The following SPECC1 variants were observed in gnomAD, a reference collection of about 807,000 sequenced individuals.
SPECC1 encodes sperm antigen with calponin homology and coiled-coil domains 1.
SPECC1 carries 62 observed loss-of-function variants against 104.1 expected under a neutral mutation model. The ratio of observed to expected loss-of-function variants is 0.60; its 90% CI spans 0.49 to 0.74. The LOEUF is 0.74. Among genes scored for constraint, SPECC1 ranks in the 30% least tolerant of loss-of-function variants. The probability of loss-of-function intolerance (pLI) is 0.00; values close to 1 mark genes in which losing one functional copy is unlikely to be tolerated. For synonymous variants in SPECC1, 513 were observed against 501.6 expected, an observed-to-expected ratio of 1.02 and a Z score of -0.30; for missense variants, 1,306 against 1,310.5, an observed-to-expected ratio of 1.00 and a Z score of 0.05.
chr17:20,301,036 G>C (rs1294868223), intron 13 of SPECC1, among the ~76,000 whole-genome samples: 2 of 152,112 alleles, frequency 1.3e-5, no homozygotes, highest in Non-Finnish European at 2.9e-5. Flanking sequence ...CCCCATCCTG[G>C]CCACACTCTG....
chr17:20,161,291 C>T (rs757408487), intron 3 of SPECC1, among the ~76,000 whole-genome samples: 4 of 152,120 alleles, frequency 2.6e-5, no homozygotes, highest in Non-Finnish European at 4.4e-5. Flanking sequence ...AAATAGTGTC[C>T]TAGGCTTCGT....
intron 13 of SPECC1, among the ~76,000 whole-genome samples, chr17:20,303,331 G>T (rs2041653946): frequency 1.3e-5 from 2 of 152,162 alleles, no homozygotes; most frequent in African/African-American, 4.8e-5. Context: ...TAGTGTTAGG[G>T]TAACAAGTGT....
At chr17:20,238,510 A>C (rs1313534315) in intron 7 of SPECC1, 1 of 1,041,904 alleles carries the variant, frequency 9.6e-7, no homozygotes, top group Non-Finnish European at 1.2e-6. Flanking sequence ...TGTCTAATAA[A>C]AGGAAAATTA....
At chr17:20,028,728 T>G (rs182027415) in intron 1 of SPECC1, among the ~76,000 whole-genome samples, 310 of 152,074 alleles carry the variant, frequency 2.0e-3, no homozygotes, top group African/African-American at 7.2e-3. Context: ...TTTAGAATAA[T>G]CTTTTCAATT....
At chr17:20,132,577 G>A (rs1426911117) in intron 3 of SPECC1, among the ~76,000 whole-genome samples, 2 of 150,656 alleles carry the variant, frequency 1.3e-5, no homozygotes, top group Non-Finnish European at 3.0e-5. Flanking sequence ...GTGTGAAAGG[G>A]TGAGTTTAAA....
chr17:20,088,273 A>G (rs1028101575), intron 1 of SPECC1, among the ~76,000 whole-genome samples: 1 of 152,218 alleles, frequency 6.6e-6, no homozygotes, highest in African/African-American at 2.4e-5. Flanking sequence ...AAAGTCACAT[A>G]ACATGAAATT....
Position 20,204,818 on chromosome 17 carries a change from C to A in SPECC1, c.769C>A (p.Leu257Ile). The change falls in exon 4 of 15, where the codon CTT becomes ATT. Residue 257 changes from leucine to isoleucine, a missense_variant. Physicochemically the swap from Leu to Ile is conservative, Grantham distance 5. This residue lies in a region of SPECC1 where 1,177 missense variants were observed against 1,139.9 expected (regional missense o/e 1.03). Transcript: ENST00000395527. ...GGTCCTGAAGGAGAAACTGATCTAT[C>A]TTGAGCACTCCCCAAATTCAGAAGG... ...NRVLKEKLIY[L>I]EHSPNSEGAA... 1 of 1,614,110 alleles carries A rather than the reference C, an allele frequency of 6.2e-7. No individual in the cohort carries two copies.
intron 14 of SPECC1, among the ~76,000 whole-genome samples, chr17:20,310,515 G>A (rs775110263): frequency 3.9e-5 from 6 of 152,224 alleles, no homozygotes; most frequent in African/African-American, 9.6e-5. Flanking sequence ...CACCGTGTAA[G>A]GAGAGCATCT....
intron 14 of SPECC1, among the ~76,000 whole-genome samples, chr17:20,313,449 G>A (rs889046069): frequency 6.6e-6 from 1 of 152,226 alleles, no homozygotes; most frequent in Non-Finnish European, 1.5e-5. Context: ...CGAGGTGAGC[G>A]TACACTGGAT....
intron 9 of SPECC1, among the ~76,000 whole-genome samples, chr17:20,252,018 A>G (rs1387569579): frequency 6.6e-6 from 1 of 152,174 alleles, no homozygotes; most frequent in African/African-American, 2.4e-5. Flanking sequence ...CTTCTAAGAT[A>G]CAGTAAGTGA....
At position 20,204,413 on chromosome 17, in the gene SPECC1, C is replaced by T. The variant is rs1403823589; in HGVS notation, c.364C>T (p.Pro122Ser). Reference protein sequence around the residue: ...SVTVSRERSVPRGPSNPRKSV... With the variant: ...SVTVSRERSVSRGPSNPRKSV... The stretch of plus-strand genomic sequence containing the variant: ...AACTGTCTCAAGAGAGAGGTCTGTG[C>T]CACGTGGTCCCTCCAACCCCAGGAA... The change falls in exon 4 of 15, where the codon CCA becomes TCA. Residue 122 changes from proline to serine, a missense_variant. Physicochemically the swap from Pro to Ser is moderately conservative, Grantham distance 74. Around this residue, in one of 2 missense-constraint regions of SPECC1, gnomAD observed 1,177 missense variants for 1,139.9 expected, o/e 1.03. Coordinates refer to ENST00000395527, the MANE Select transcript of SPECC1 (RefSeq NM_001243439.2). 1.2e-6 allele frequency: 2 copies of T among 1,614,164 alleles called. No individual in the cohort carries two copies. Among genetic ancestry groups the T allele is most frequent in the South Asian group, 1.1e-5 (1 of 91,082 alleles).
intron 12 of SPECC1, among the ~76,000 whole-genome samples, chr17:20,278,263 A>G (rs1447231450): frequency 2.0e-5 from 3 of 152,192 alleles, no homozygotes; most frequent in Non-Finnish European, 2.9e-5. Flanking sequence ...ATTGCCAACA[A>G]TTTGGGCTCC....
chr17:20,307,219 T>C (rs1039349166), intron 14 of SPECC1, among the ~76,000 whole-genome samples: 1 of 152,158 alleles, frequency 6.6e-6, no homozygotes, highest in Non-Finnish European at 1.5e-5. Context: ...CTTCAAGAAA[T>C]GGAAAACCCA....
intron 1 of SPECC1, among the ~76,000 whole-genome samples, chr17:20,052,353 A>G (rs2045805196): frequency 6.6e-6 from 1 of 152,208 alleles, no homozygotes; most frequent in African/African-American, 2.4e-5. Context: ...CCTAACAGAA[A>G]AGGAACTACA....
intron 1 of SPECC1, among the ~76,000 whole-genome samples, chr17:20,084,856 G>C (rs575647376): frequency 5.4e-4 from 82 of 152,272 alleles, no homozygotes; most frequent in Non-Finnish European, 7.5e-4. Context: ...CCTTCACTCA[G>C]GGACCATCTG....
intron 3 of SPECC1, among the ~76,000 whole-genome samples, chr17:20,151,471 T>C (rs1395781910): frequency 2.6e-5 from 4 of 152,258 alleles, no homozygotes; most frequent in Non-Finnish European, 2.9e-5. Context: ...TATTGGGACG[T>C]AACCCATCAT....
chr17:20,265,016 A>T (rs186939863), intron 12 of SPECC1, among the ~76,000 whole-genome samples: 1 of 152,032 alleles, frequency 6.6e-6, no homozygotes, highest in Non-Finnish European at 1.5e-5. Context: ...CATTTTCTTT[A>T]TCCAACCCAC....
intron 3 of SPECC1, among the ~76,000 whole-genome samples, chr17:20,200,964 C>T (rs1014440060): frequency 6.6e-6 from 1 of 151,266 alleles, no homozygotes; most frequent in Non-Finnish European, 1.5e-5. Context: ...AATACACATC[C>T]ATTCATAAAT....
chr17:20,130,580 C>T (rs2049562984), intron 3 of SPECC1, among the ~76,000 whole-genome samples: 1 of 152,070 alleles, frequency 6.6e-6, no homozygotes, highest in Admixed American at 6.5e-5. Flanking sequence ...ATTCTGGGTT[C>T]TCCATTTTGT....
Sources: gnomAD v4.1 joint callset for allele counts (sites outside exome capture counted in the v4.1 genomes callset) on GRCh38, gnomAD v4.1.1 for gene constraint, gnomAD v4.1.1 regional missense constraint, MANE v1.5 for transcripts, NCBI Gene and HGNC (gene_info 2026-07-23, HGNC 2026-07-21) for gene names.